The following DIP2A variants were observed in gnomAD, a reference collection of about 807,000 sequenced individuals.
The protein encoded by DIP2A is DIP2 acetate--CoA ligase A.
DIP2A carries 85 observed loss-of-function variants against 177.4 expected under a neutral mutation model. That is an observed-to-expected ratio of 0.48 (90% CI 0.40 to 0.57). The LOEUF (loss-of-function observed/expected upper bound fraction) is 0.57. DIP2A is among the 20% of genes least tolerant of loss of function. The pLI is 0.00. For synonymous variants in DIP2A, 886 were observed against 881.8 expected, an observed-to-expected ratio of 1.00 and a Z score of -0.08; for missense variants, 1,791 against 2,100.2, an observed-to-expected ratio of 0.85 and a Z score of 2.88.
At chr21:46,538,770 T>TATCC (rs1601740977) in intron 16 of DIP2A, 168 bp downstream of exon 16, 1 of 1,032,632 alleles carries the variant, frequency 9.7e-7, no homozygotes, top group East Asian at 2.7e-5. Flanking sequence ...TTCACTGGTT[T>TATCC]ATCCCATGCA....
intron 2 of DIP2A, among the ~76,000 whole-genome samples, chr21:46,485,472 C>T (rs1392298993): frequency 2.6e-5 from 4 of 152,092 alleles, no homozygotes; most frequent in Non-Finnish European, 5.9e-5. Context: ...AGGCATGGTG[C>T]TGGCATAGTT....
At position 46,555,860 on chromosome 21, in the gene DIP2A, C is replaced by CT. The variant is rs369123665; in HGVS notation, c.3389-121dup. ...TGCATCGTCACGGCCCCACTCCCGT[C>CT]TGAGCTCACTCTCTGCAGGACTCCC... On this transcript the variant is annotated intron_variant, in intron 28 of 37. Transcript: ENST00000417564. 2,147 of 779,880 alleles carry CT rather than the reference C, an allele frequency of 2.8e-3. 30 individuals carry two copies. In the African/African-American group the frequency reaches 0.033, roughly 12 times the overall value. The allele number at this position is 779,880 out of a possible 1,614,324, so 48.3% of individuals were successfully genotyped here.
intron 18 of DIP2A, among the ~76,000 whole-genome samples, chr21:46,544,501 A>G (rs2059949542): frequency 6.6e-6 from 1 of 152,196 alleles, no homozygotes; most frequent in Non-Finnish European, 1.5e-5. Context: ...TGCGCTCTGG[A>G]AAGAATGTGC....
intron 1 of DIP2A, among the ~76,000 whole-genome samples, chr21:46,472,616 G>A (rs973750813): frequency 4.6e-5 from 7 of 152,202 alleles, no homozygotes; most frequent in African/African-American, 1.7e-4. Context: ...TGGACATGAA[G>A]ACAAAGGGAG....
intron 32 of DIP2A, chr21:46,558,960 G>C (rs575485046): frequency 1.3e-5 from 2 of 158,868 alleles, no homozygotes; most frequent in Admixed American, 1.3e-4. Flanking sequence ...TTAGCTGGCT[G>C]GTGGTGCGCG....
In DIP2A at chr21:46,458,979, T is replaced by TCCTGCCCGCGCGGGTGCGTTGCC; in HGVS notation, c.-153_-152insCCTGCCCGCGCGGGTGCGTTGCC. The TCCTGCCCGCGCGGGTGCGTTGCC allele has an allele frequency of 3.8e-6, 2 of 522,860 alleles. No individual in the cohort carries two copies. The highest frequency in any genetic ancestry group is 3.7e-5 in the East Asian group (1 of 26,684). The allele number at this position is 522,860 out of a possible 1,614,324, so 32.4% of individuals were successfully genotyped here. ...GCTCGTGCCCGCGCGGGTGCGTTGC[T>TCCTGCCCGCGCGGGTGCGTTGCC]GTCCTGGCCGCGCCCCTGTCCCGCC... On this transcript the variant is annotated 5_prime_UTR_variant, in exon 1 of 38. Coordinates refer to ENST00000417564, the MANE Select transcript of DIP2A (RefSeq NM_015151.4).
At chr21:46,485,999 A>G (rs1436420818) in intron 2 of DIP2A, among the ~76,000 whole-genome samples, 1 of 132,976 alleles carries the variant, frequency 7.5e-6, no homozygotes, top group African/African-American at 2.8e-5. Flanking sequence ...TGAACCTGGG[A>G]GGTGGAGGTT....
intron 1 of DIP2A, among the ~76,000 whole-genome samples, chr21:46,467,378 T>C (rs1025007645): frequency 6.6e-6 from 1 of 152,134 alleles, no homozygotes; most frequent in Non-Finnish European, 1.5e-5. Flanking sequence ...TTTGTTTGTT[T>C]GTTTTTTAAG....
intron 2 of DIP2A, among the ~76,000 whole-genome samples, chr21:46,488,055 A>G (rs2056795347): frequency 6.6e-6 from 1 of 152,188 alleles, no homozygotes; most frequent in Non-Finnish European, 1.5e-5. Context: ...ACTAAACCTG[A>G]TTGTATATGC....
intron 32 of DIP2A, among the ~76,000 whole-genome samples, chr21:46,559,460 C>T (rs900455779): frequency 2.0e-5 from 3 of 152,226 alleles, no homozygotes; most frequent in African/African-American, 7.2e-5. Flanking sequence ...GCTCTGCTCA[C>T]ACCCTCTTCA....
At chr21:46,536,933 C>G (rs1279679857) in intron 13 of DIP2A, among the ~76,000 whole-genome samples, 1 of 151,624 alleles carries the variant, frequency 6.6e-6, no homozygotes, top group Admixed American at 6.6e-5. Flanking sequence ...AAAAGACAAG[C>G]TGTGGTGACA....
chr21:46,581,361 T>G, the DIP2A span, among the ~76,000 whole-genome samples: 2 of 152,212 alleles, frequency 1.3e-5, no homozygotes, highest in East Asian at 3.9e-4. Context: ...TTTATCATGG[T>G]TCTTAGCTCC....
intron 21 of DIP2A, 111 bp from the exon 22 acceptor site, chr21:46,549,660 A>C: frequency 6.6e-7 from 1 of 1,526,384 alleles, no homozygotes; most frequent in Non-Finnish European, 8.8e-7. Flanking sequence ...CATTTGATAG[A>C]CTGCATTTTA....
chr21:46,517,210 C>T (rs1286493024), intron 8 of DIP2A, among the ~76,000 whole-genome samples: 3 of 151,634 alleles, frequency 2.0e-5, no homozygotes, highest in East Asian at 1.9e-4. Flanking sequence ...TACAGGTGCA[C>T]AGCACTACGC....
intron 7 of DIP2A, among the ~76,000 whole-genome samples, chr21:46,509,655 A>C (rs1332660889): frequency 6.6e-6 from 1 of 152,066 alleles, no homozygotes; most frequent in East Asian, 1.9e-4. Context: ...TTTAATTTAA[A>C]CTTTAACTCT....
At chr21:46,494,701 C>T (rs754129890) in intron 3 of DIP2A, among the ~76,000 whole-genome samples, 6 of 152,206 alleles carry the variant, frequency 3.9e-5, no homozygotes, top group South Asian at 4.1e-4. Flanking sequence ...CAATTGATTG[C>T]GTTTCCTCTT....
intron 1 of DIP2A, among the ~76,000 whole-genome samples, chr21:46,467,858 A>T (rs962437059): frequency 1.3e-4 from 20 of 152,034 alleles, no homozygotes; most frequent in African/African-American, 4.8e-4. Flanking sequence ...CACACCTATA[A>T]TCCCAGCACT....
rs2060513694 is a variant in DIP2A, at chr21:46,557,618, C to G, written c.3663C>G (p.Pro1221=). The change falls in exon 31 of 38, where the codon CCC becomes CCG. Residue 1221 remains proline, a synonymous_variant. Transcript: ENST00000417564. This position sits in a 1 kb window ranked among gnomAD's most constrained non-coding sequence, Gnocchi z 6.0. Reference sequence around the variant, plus strand: ...CGGGACACCAATCAGTGCTGGTGCCCCCGCTGGAGCTGGAGAGCAACGTGT... The same window carrying G: ...CGGGACACCAATCAGTGCTGGTGCCGCCGCTGGAGCTGGAGAGCAACGTGT... ...VYSGHQSVLV[P]PLELESNVSL... is the part of the protein sequence containing the mutation. 1.2e-6 allele frequency: 2 copies of G among 1,613,384 alleles called. No homozygotes were observed. Among genetic ancestry groups the G allele is most frequent in the Non-Finnish European group, 1.7e-6 (2 of 1,179,776 alleles).
chr21:46,519,409 C>T lies in DIP2A; in HGVS notation c.1102+7795C>T, dbSNP rs1601635792. On this transcript the variant is annotated intron_variant, in intron 8 of 37. Transcript: ENST00000417564. ...CAAGATGGAGTTGCTCTGGTTTAAA[C>T]GCCTCTGACATATTTCCCCTCTCTG... Among the ~76,000 whole-genome samples, 6 of 152,260 alleles carry T rather than the reference C, an allele frequency of 3.9e-5. 1 individual carries two copies. In the South Asian group the frequency reaches 1.0e-3, roughly 26 times the overall value.
Sources: gnomAD v4.1 joint callset for allele counts (sites outside exome capture counted in the v4.1 genomes callset) on GRCh38, gnomAD v4.1.1 for gene constraint, Gnocchi (gnomAD v3.1) non-coding constraint, MANE v1.5 for transcripts, NCBI Gene and HGNC (gene_info 2026-07-23, HGNC 2026-07-21) for gene names.